Variants in SLC41A3 observed in about 807,000 individuals in gnomAD.
The protein encoded by SLC41A3 is solute carrier family 41 member 3.
In SLC41A3, 44 loss-of-function variants were observed where a neutral mutation model predicts 45.4. The observed-to-expected ratio is 0.97, with a 90% CI of 0.76 to 1.25. The LOEUF is 1.25. SLC41A3 is among the 50% of genes most tolerant of loss of function. SLC41A3 has a pLI of 0.00. For missense variants in SLC41A3, 550 were observed against 600.6 expected (o/e 0.92, Z 0.88); for synonymous variants, 256 against 252.4 (o/e 1.01, Z -0.13).
At position 126,006,631 on chromosome 3, in the gene SLC41A3, T is replaced by C. The variant is rs1939130924; in HGVS notation, c.*385A>G. 6.5e-7 allele frequency: 1 copy of C among 1,541,228 alleles called. No homozygotes were observed. The highest frequency in any genetic ancestry group is 1.4e-5 in the African/African-American group (1 of 71,822). On this transcript the variant is annotated 3_prime_UTR_variant, in exon 11 of 11. Coordinates refer to ENST00000360370, the MANE Select transcript of SLC41A3 (RefSeq NM_017836.4). ...GGCTTGGGAACAGAAAAGAGCTCCT[T>C]CCTGCTCCACCCCAATCTGGGTTGC...
chr3:126,055,559 A>G (rs1004941038), intron 2 of SLC41A3, among the ~76,000 whole-genome samples: 5 of 152,222 alleles, frequency 3.3e-5, no homozygotes, highest in Non-Finnish European at 7.3e-5. Context: ...ATATATGTAT[A>G]TGTTTATATG....
At chr3:126,015,782 C>T (rs1262431380) in intron 7 of SLC41A3, among the ~76,000 whole-genome samples, 1 of 152,216 alleles carries the variant, frequency 6.6e-6, no homozygotes, top group African/African-American at 2.4e-5. Context: ...CTTTGAGCCT[C>T]AACCATTGCA....
At chr3:126,055,551 A>G (rs888255055) in intron 2 of SLC41A3, among the ~76,000 whole-genome samples, 5 of 152,178 alleles carry the variant, frequency 3.3e-5, no homozygotes, top group African/African-American at 9.7e-5. Context: ...TATAAACCAT[A>G]TATGTATATG....
In SLC41A3 at chr3:126,068,045, T is replaced by G; in HGVS notation, c.175A>C (p.Arg59=). Residue 59 remains arginine (R), a synonymous_variant, in exon 2 of 11, where the codon AGG becomes CGG. Transcript: ENST00000360370. The part of the protein sequence containing the change: ...TPKPLETEPS[R]ETTWSIGLQV... ...AGGCCTATGGACCAGGTGGTCTCCC[T>G]GCTAGGCTCAGTCTCCAGTGGCTTG... The G allele has an allele frequency of 6.2e-7, 1 of 1,613,944 alleles. No homozygotes were observed. The highest frequency in any genetic ancestry group is 8.5e-7 in the Non-Finnish European group (1 of 1,179,966).
chr3:126,047,895 T>A (rs888057281), intron 3 of SLC41A3, among the ~76,000 whole-genome samples: 1 of 152,114 alleles, frequency 6.6e-6, no homozygotes, highest in Non-Finnish European at 1.5e-5. Context: ...ATGAACTACA[T>A]GAAAATTAAA....
At chr3:126,032,652 G>T (rs1359165918) in intron 4 of SLC41A3, among the ~76,000 whole-genome samples, 1 of 152,326 alleles carries the variant, frequency 6.6e-6, no homozygotes, top group East Asian at 1.9e-4. Flanking sequence ...AGTATGGGGA[G>T]AGAAGACAAT....
At position 126,016,712 on chromosome 3, in the gene SLC41A3, G is replaced by A; in HGVS notation, c.890+19C>T. On this transcript the variant is annotated intron_variant, in intron 7 of 10. Transcript: ENST00000360370. Reference sequence around the variant, plus strand: ...GGCTGAGAGGAGGAAGAGGGGCCGTGGCCCTGGCTCCTGCTCACCTGCTGA... The same window carrying A: ...GGCTGAGAGGAGGAAGAGGGGCCGTAGCCCTGGCTCCTGCTCACCTGCTGA... 6.3e-7 allele frequency: 1 copy of A among 1,596,146 alleles called. No individual in the cohort carries two copies. The highest frequency in any genetic ancestry group is 8.5e-7 in the Non-Finnish European group (1 of 1,173,272).
intron 4 of SLC41A3, among the ~76,000 whole-genome samples, chr3:126,028,603 C>A (rs1414988238): frequency 2.0e-5 from 3 of 152,254 alleles, no homozygotes; most frequent in African/African-American, 4.8e-5. Flanking sequence ...TGGAGCCCCC[C>A]ACACAGTTCC....
intron 1 of SLC41A3, among the ~76,000 whole-genome samples, chr3:126,070,590 G>A (rs1371154847): frequency 6.6e-6 from 1 of 152,174 alleles, no homozygotes; most frequent in Non-Finnish European, 1.5e-5. Flanking sequence ...CAACAGGATG[G>A]CATCAAAGTG....
intron 1 of SLC41A3, among the ~76,000 whole-genome samples, chr3:126,083,087 A>C (rs1945244114): frequency 6.6e-6 from 1 of 152,168 alleles, no homozygotes; most frequent in African/African-American, 2.4e-5. Context: ...GATTAAATGG[A>C]GTCATGCATT....
chr3:126,078,707 A>C (rs1944999025), intron 1 of SLC41A3, among the ~76,000 whole-genome samples: 1 of 152,164 alleles, frequency 6.6e-6, no homozygotes, highest in African/African-American at 2.4e-5. Flanking sequence ...CAGAGAATTA[A>C]AAGAGCACCA....
At chr3:126,059,295 A>AAGGAAAGAAAGAGAAAG (rs1943910894) in intron 2 of SLC41A3, among the ~76,000 whole-genome samples, 1 of 127,534 alleles carries the variant, frequency 7.8e-6, no homozygotes, top group African/African-American at 3.0e-5. Flanking sequence ...AGAAAGAAAG[A>AAGGAAAGAAAGAGAAAG]AAGAAAGAAA....
At chr3:126,073,709 G>T in intron 1 of SLC41A3, among the ~76,000 whole-genome samples, 1 of 152,114 alleles carries the variant, frequency 6.6e-6, no homozygotes, top group East Asian at 1.9e-4. Flanking sequence ...CAGATAAAGA[G>T]ATTGAATTAG....
intron 4 of SLC41A3, among the ~76,000 whole-genome samples, chr3:126,027,596 A>T (rs1046742075): frequency 3.9e-5 from 6 of 152,202 alleles, no homozygotes; most frequent in African/African-American, 1.4e-4. Flanking sequence ...GGGCACTGTT[A>T]TAAAGATACC....
chr3:126,029,641 T>C (rs1389915981), intron 4 of SLC41A3, among the ~76,000 whole-genome samples: 2 of 152,324 alleles, frequency 1.3e-5, no homozygotes, highest in East Asian at 3.9e-4. Flanking sequence ...AGTTAATCCA[T>C]GTAATTCCAG....
At position 126,026,219 on chromosome 3, in the gene SLC41A3, C is replaced by T; in HGVS notation, c.598+116G>A. 7.1e-7 allele frequency: 1 copy of T among 1,412,184 alleles called. No individual in the cohort carries two copies. The highest frequency in any genetic ancestry group is 9.5e-7 in the Non-Finnish European group (1 of 1,050,018). 87.5% of individuals were successfully genotyped at this position (1,412,184 alleles called of 1,614,324 possible). On this transcript the variant is annotated intron_variant, in intron 5 of 10. Coordinates refer to ENST00000360370, the MANE Select transcript of SLC41A3 (RefSeq NM_017836.4). This position sits in a 1 kb window ranked among gnomAD's most constrained non-coding sequence, Gnocchi z 4.2. Reference sequence around the variant, plus strand: ...CCAGTGAGAACCCTGAGCCCACCATCAGTCCCATTAGCAGTGGGACTCACA... The same window carrying T: ...CCAGTGAGAACCCTGAGCCCACCATTAGTCCCATTAGCAGTGGGACTCACA...
intron 4 of SLC41A3, among the ~76,000 whole-genome samples, chr3:126,029,150 A>G (rs1362643782): frequency 6.6e-6 from 1 of 152,230 alleles, no homozygotes; most frequent in Non-Finnish European, 1.5e-5. Flanking sequence ...GCAATGTGAG[A>G]AAGGCATGAG....
Position 126,026,531 on chromosome 3 carries a change from A to C in SLC41A3, c.454-52T>G. ...AGGGGGGCCCCGGGGCCACAGCCAC[A>C]CTCCCTGCCCTTCACACCTCACTCA... is the stretch of plus-strand genomic sequence containing the variant. On this transcript the variant is annotated intron_variant, in intron 4 of 10. Coordinates refer to ENST00000360370, the MANE Select transcript of SLC41A3 (RefSeq NM_017836.4). The surrounding 1 kb of genome is among the most constrained non-coding windows in gnomAD (Gnocchi z 4.2). The C allele has an allele frequency of 6.3e-7, 1 of 1,575,896 alleles. No individual in the cohort carries two copies. Among genetic ancestry groups the C allele is most frequent in the South Asian group, 1.2e-5 (1 of 85,838 alleles).
In SLC41A3 at chr3:126,006,599, G is replaced by A. The variant is rs752220019; in HGVS notation, c.*417C>T. The stretch of plus-strand genomic sequence containing the variant: ...ACAGCAAGTAAGCCACAGCTCAAGA[G>A]TTCTGAGGCTTGGGAACAGAAAAGA... On this transcript the variant is annotated 3_prime_UTR_variant, in exon 11 of 11. Transcript: ENST00000360370. 16 of 1,575,040 alleles carry A rather than the reference G, an allele frequency of 1.0e-5. No individual in the cohort carries two copies. Among genetic ancestry groups the A allele is most frequent in the Non-Finnish European group, 1.2e-5 (14 of 1,167,514 alleles).
Sources: gnomAD v4.1 joint callset for allele counts (sites outside exome capture counted in the v4.1 genomes callset) on GRCh38, gnomAD v4.1.1 for gene constraint, Gnocchi (gnomAD v3.1) non-coding constraint, MANE v1.5 for transcripts, NCBI Gene and HGNC (gene_info 2026-07-23, HGNC 2026-07-21) for gene names.